KIF2A: variants seen among roughly 807,000 people sequenced by gnomAD.
KIF2A encodes the protein kinesin family member 2A, also known as kinesin-like protein KIF2A.
Under a neutral mutation model 100.2 loss-of-function variants are expected in KIF2A, and 22 were observed. The ratio of observed to expected loss-of-function variants is 0.22; its 90% CI spans 0.16 to 0.31. The LOEUF is 0.31. Ranked by LOEUF, KIF2A falls within the 10% of genes least tolerant of loss-of-function variation. The probability of loss-of-function intolerance (pLI) is 1.00; values close to 1 mark genes in which losing one functional copy is unlikely to be tolerated. For synonymous variants in KIF2A, 268 were observed against 285.9 expected, an observed-to-expected ratio of 0.94 and a Z score of 0.63; for missense variants, 495 against 898.7, an observed-to-expected ratio of 0.55 and a Z score of 5.74.
chr5:62,374,058 A>T (rs1217125283), intron 18 of KIF2A, among the ~76,000 whole-genome samples: 2 of 152,152 alleles, frequency 1.3e-5, no homozygotes, highest in African/African-American at 4.8e-5. Flanking sequence ...CAAAAAATTT[A>T]AAAATCATCC....
chr5:62,373,089 A>C (rs867318300), intron 17 of KIF2A, among the ~76,000 whole-genome samples: 2 of 152,192 alleles, frequency 1.3e-5, no homozygotes, highest in African/African-American at 4.8e-5. Flanking sequence ...TAAAGTAAGG[A>C]AAGTTTACCC....
At chr5:62,374,626 C>T (rs1325226074) in intron 18 of KIF2A, among the ~76,000 whole-genome samples, 1 of 152,024 alleles carries the variant, frequency 6.6e-6, no homozygotes, top group Non-Finnish European at 1.5e-5. Flanking sequence ...TTAAAAATTA[C>T]ACATATAATA....
In KIF2A at chr5:62,390,939, A is replaced by G; in HGVS notation, c.*5370A>G. ...GTCACTAAAACCTGTGCTGGTTAGG[A>G]TTTGCTGTATTTTATCTGCTATGCT... On this transcript the variant is annotated 3_prime_UTR_variant, in exon 21 of 21. Transcript: ENST00000407818. 6.2e-7 allele frequency: 1 copy of G among 1,612,642 alleles called. No homozygotes were observed. The highest frequency in any genetic ancestry group is 8.5e-7 in the Non-Finnish European group (1 of 1,179,900).
intron 8 of KIF2A, among the ~76,000 whole-genome samples, 189 bp downstream of exon 8, chr5:62,357,934 T>A (rs1748198754): frequency 6.6e-6 from 1 of 152,194 alleles, no homozygotes. Flanking sequence ...CCATTCCGAG[T>A]CTTGCTTCAC....
intron 1 of KIF2A, among the ~76,000 whole-genome samples, chr5:62,318,924 A>G (rs2111799405): frequency 1.3e-5 from 2 of 152,228 alleles, no homozygotes; most frequent in South Asian, 4.1e-4. Flanking sequence ...TTACTTCAGT[A>G]TTTCTCATTC....
At chr5:62,343,169 C>T (rs1028576452) in intron 1 of KIF2A, among the ~76,000 whole-genome samples, 1 of 152,206 alleles carries the variant, frequency 6.6e-6, no homozygotes, top group Non-Finnish European at 1.5e-5. Context: ...TGACACATAT[C>T]ACTTCCACTG....
chr5:62,371,655 G>T (rs1184922762), intron 16 of KIF2A, among the ~76,000 whole-genome samples: 1 of 152,070 alleles, frequency 6.6e-6, no homozygotes, highest in East Asian at 1.9e-4. Context: ...ATGGTTGAAG[G>T]ACTAAATAAT....
chr5:62,376,730 TTTTG>T (rs1741568681), intron 18 of KIF2A, among the ~76,000 whole-genome samples: 1 of 151,978 alleles, frequency 6.6e-6, no homozygotes, highest in Admixed American at 6.6e-5. Context: ...CGAAGTTTTT[TTTTG>T]TTTTTTGTTT....
At chr5:62,357,209 G>A (rs1048659004) in intron 7 of KIF2A, among the ~76,000 whole-genome samples, 7 of 151,242 alleles carry the variant, frequency 4.6e-5, no homozygotes, top group African/African-American at 1.7e-4. Context: ...TCAGCCTCCC[G>A]AGTAGCTGGG....
At chr5:62,384,630 A>C (rs927967597) in intron 20 of KIF2A, among the ~76,000 whole-genome samples, 3 of 152,216 alleles carry the variant, frequency 2.0e-5, no homozygotes, top group Non-Finnish European at 4.4e-5. Context: ...ATTGAAAGAT[A>C]GCTTATCTTC....
chr5:62,378,296 C>T (rs924473423), intron 19 of KIF2A, among the ~76,000 whole-genome samples: 1 of 152,150 alleles, frequency 6.6e-6, no homozygotes, highest in Non-Finnish European at 1.5e-5. Flanking sequence ...AAAGTATTTA[C>T]TATATGATAC....
At chr5:62,314,692 A>G (rs1745722399) in intron 1 of KIF2A, among the ~76,000 whole-genome samples, 1 of 151,894 alleles carries the variant, frequency 6.6e-6, no homozygotes, top group Non-Finnish European at 1.5e-5. Flanking sequence ...AAGGAAGGAC[A>G]AGATCAGCAG....
chr5:62,337,985 T>G (rs1747063221), intron 1 of KIF2A, among the ~76,000 whole-genome samples: 1 of 152,162 alleles, frequency 6.6e-6, no homozygotes, highest in Non-Finnish European at 1.5e-5. Context: ...ACAAGCTGAT[T>G]CTAAAGTTTA....
intron 1 of KIF2A, among the ~76,000 whole-genome samples, chr5:62,329,238 GTC>G (rs1224065260): frequency 6.6e-6 from 1 of 152,166 alleles, no homozygotes; most frequent in Non-Finnish European, 1.5e-5. Flanking sequence ...AAACAGAAAT[GTC>G]TCTATGTTTG....
chr5:62,314,888 CA>C (rs1253199285), intron 1 of KIF2A, among the ~76,000 whole-genome samples: 1 of 151,290 alleles, frequency 6.6e-6, no homozygotes, highest in Non-Finnish European at 1.5e-5. Context: ...TCAGCCTCCC[CA>C]GTAGCTGAGA....
chr5:62,366,574 G>A, intron 16 of KIF2A, 93 bp downstream of exon 16: 1 of 745,924 alleles, frequency 1.3e-6, no homozygotes, highest in African/African-American at 1.8e-5. Context: ...GCTCACGCCT[G>A]TAATCCTAGC....
intron 1 of KIF2A, among the ~76,000 whole-genome samples, chr5:62,330,114 G>A (rs1746560022): frequency 6.6e-6 from 1 of 152,200 alleles, no homozygotes; most frequent in Non-Finnish European, 1.5e-5. Context: ...ACTTTGGGAG[G>A]CCGAGGTGAG....
chr5:62,363,226 G>A lies in KIF2A; in HGVS notation c.1168G>A (p.Gly390Arg). Residue 390 changes from glycine (G) to arginine (R), a missense_variant, in exon 13 of 21, where the codon GGA becomes AGA. Gly to Arg is a moderately radical substitution (Grantham distance 125). Transcript: ENST00000407818. ...AACAAAATTAAGAGTTCTAGAAGAT[G>A]GAAAACAGCAGGTTCAAGTGGTGGG... ...RKTKLRVLED[G>R]KQQVQVVGLQ... 3 of 1,613,110 alleles carry A rather than the reference G, an allele frequency of 1.9e-6. No homozygotes were observed. The highest frequency in any genetic ancestry group is 2.5e-6 in the Non-Finnish European group (3 of 1,179,412).
chr5:62,349,455 A>G (rs547493112), intron 3 of KIF2A, among the ~76,000 whole-genome samples: 3 of 152,202 alleles, frequency 2.0e-5, no homozygotes, highest in Non-Finnish European at 2.9e-5. Context: ...TTGAATGTGC[A>G]TCCAAGGTTA....
Sources: allele counts gnomAD v4.1 joint callset (sites outside exome capture counted in the v4.1 genomes callset), GRCh38; gene constraint gnomAD v4.1.1; transcripts MANE v1.5; gene names NCBI Gene and HGNC (gene_info 2026-07-23, HGNC 2026-07-21).